The following CFAP47 variants were observed in gnomAD, a reference collection of about 807,000 sequenced individuals.
CFAP47 encodes the protein cilia- and flagella-associated protein 47.
In CFAP47, 29 loss-of-function variants were observed where a neutral mutation model predicts 148.1. The ratio of observed to expected loss-of-function variants is 0.20; its 90% CI spans 0.15 to 0.27. The LOEUF is 0.27. Among genes scored for constraint, CFAP47 ranks in the 10% least tolerant of loss-of-function variants. The pLI is 1.00. For missense variants in CFAP47, 1,872 were observed against 1,697.5 expected (o/e 1.10, Z -1.81); for synonymous variants, 664 against 577.3 (o/e 1.15, Z -2.15).
At chrX:36,166,626 A>G (rs765525107) in intron 39 of CFAP47, among the ~76,000 whole-genome samples, 2 of 111,187 alleles carry the variant, frequency 1.8e-5, no homozygotes, top group Non-Finnish European at 3.8e-5. Context: ...GGCAGTTTCT[A>G]CTGTCTGTTA....
chrX:36,236,549 G>T, intron 47 of CFAP47, 137 bp from the exon 48 acceptor site: 1 of 405,422 alleles, frequency 2.5e-6, no homozygotes, highest in Non-Finnish European at 4.3e-6. Context: ...AGTTATTTGT[G>T]TATTGAAAAA....
At chrX:36,220,239 C>A (rs1401365878) in intron 45 of CFAP47, among the ~76,000 whole-genome samples, 1 of 110,770 alleles carries the variant, frequency 9.0e-6, no homozygotes, top group Non-Finnish European at 1.9e-5. Flanking sequence ...GTATATGAAA[C>A]GTAAATGAAT....
At chrX:36,262,129 A>G (rs1294088270) in intron 49 of CFAP47, among the ~76,000 whole-genome samples, 2 of 112,460 alleles carry the variant, frequency 1.8e-5, no homozygotes, top group Admixed American at 1.9e-4. Context: ...TGTGGGGTAC[A>G]TGAGATGTTT....
In CFAP47 at chrX:36,317,813, A is replaced by G. The variant is rs782798839; in HGVS notation, c.8345-1396A>G. Among the ~76,000 whole-genome samples, 207 of 111,562 alleles carry G rather than the reference A, an allele frequency of 1.9e-3. 1 individual carries two copies. Among genetic ancestry groups the G allele is most frequent in the South Asian group, 0.011 (31 of 2,715 alleles). On this transcript the variant is annotated intron_variant, in intron 56 of 63. Transcript: ENST00000378653. The stretch of plus-strand genomic sequence containing the variant: ...TGTTAATATTATTGTACTAATAAAA[A>G]TATATTATTGTACAAATAAAAAGTA...
At chrX:36,358,284 T>A in intron 60 of CFAP47, among the ~76,000 whole-genome samples, 1 of 112,376 alleles carries the variant, frequency 8.9e-6, no homozygotes, top group Non-Finnish European at 1.9e-5. Context: ...TGAAGTACTT[T>A]CTGCCCTTGG....
chrX:36,351,193 T>C (rs1309461125), intron 59 of CFAP47, among the ~76,000 whole-genome samples: 1 of 111,775 alleles, frequency 8.9e-6, no homozygotes, highest in African/African-American at 3.2e-5. Context: ...TGAACTGGAG[T>C]AAAAATCCAC....
intron 15 of CFAP47, among the ~76,000 whole-genome samples, chrX:35,987,439 T>C (rs1936731472): frequency 9.0e-6 from 1 of 110,871 alleles, no homozygotes; most frequent in African/African-American, 3.3e-5. Flanking sequence ...CAAGCCTCAG[T>C]AATGGCAGAC....
intron 22 of CFAP47, among the ~76,000 whole-genome samples, chrX:36,015,454 A>G (rs1421289330): frequency 9.0e-6 from 1 of 111,300 alleles, no homozygotes; most frequent in South Asian, 3.7e-4. Flanking sequence ...GCTTTCAATT[A>G]TATATGTATA....
intron 51 of CFAP47, among the ~76,000 whole-genome samples, chrX:36,290,781 C>T (rs1333175476): frequency 1.8e-5 from 2 of 112,319 alleles, no homozygotes; most frequent in African/African-American, 6.5e-5. Flanking sequence ...AGTGAAAAGT[C>T]ACTAAAGTAG....
chrX:36,108,631 CTTCATAAA>C (rs2146800540), intron 33 of CFAP47, among the ~76,000 whole-genome samples: 1 of 111,501 alleles, frequency 9.0e-6, no homozygotes, highest in South Asian at 3.7e-4. Flanking sequence ...ATACTTAGTT[CTTCATAAA>C]ACACAAATTT....
At chrX:36,066,700 G>A (rs951674182) in intron 27 of CFAP47, among the ~76,000 whole-genome samples, 1 of 111,801 alleles carries the variant, frequency 8.9e-6, no homozygotes, top group African/African-American at 3.3e-5. Context: ...CCTCTTAGCT[G>A]CTTTGAGTGA....
chrX:36,385,234 T>C lies in CFAP47; in HGVS notation c.*228T>C, dbSNP rs1482620320. The C allele has an allele frequency of 9.4e-6, 3 of 318,108 alleles. No individual in the cohort carries two copies. Among genetic ancestry groups the C allele is most frequent in the African/African-American group, 8.1e-5 (3 of 37,106 alleles). 26.2% of individuals were successfully genotyped at this position (318,108 alleles called of 1,213,427 possible). On this transcript the variant is annotated 3_prime_UTR_variant, in exon 64 of 64. Transcript: ENST00000378653. ...GGTTCACTTTTAAAGTGCAGGTGTA[T>C]ATTTGTGGTAAAACGAAATATAATT...
chrX:36,103,794 C>T (rs944157794), intron 32 of CFAP47, among the ~76,000 whole-genome samples: 1 of 111,430 alleles, frequency 9.0e-6, no homozygotes, highest in African/African-American at 3.3e-5. Context: ...TAGCAGATCA[C>T]AAGCTGTTCA....
At chrX:36,034,062 A>G (rs927633554) in intron 23 of CFAP47, among the ~76,000 whole-genome samples, 1 of 111,514 alleles carries the variant, frequency 9.0e-6, no homozygotes, top group Non-Finnish European at 1.9e-5. Flanking sequence ...ATGGTTTTTC[A>G]CTAATGTCCA....
chrX:36,278,293 A>G (rs1556002990), intron 49 of CFAP47, among the ~76,000 whole-genome samples: 1 of 112,066 alleles, frequency 8.9e-6, no homozygotes, highest in African/African-American at 3.2e-5. Flanking sequence ...AAGCCTCAGC[A>G]ATGGCAGACT....
rs1406889534 is a variant in CFAP47 at position 35,924,149 on chromosome X, GCGTACATATA to G, written c.250-1867_250-1858del. On this transcript the variant is annotated intron_variant, in intron 1 of 63. Coordinates refer to ENST00000378653, the MANE Select transcript of CFAP47 (RefSeq NM_001304548.2). Reference sequence around the variant, plus strand: ...CATATATGTATATGTGTACATGTATGCGTACATATATGTATATATGTACATGTATGCGTAC... The same window carrying G: ...CATATATGTATATGTGTACATGTATGTGTATATATGTACATGTATGCGTAC... Among the ~76,000 whole-genome samples the G allele has an allele frequency of 6.0e-4, 58 of 97,038 alleles. 5 individuals carry two copies. The highest frequency in any genetic ancestry group is 1.9e-3 in the African/African-American group (44 of 22,978). 84.3% of individuals were successfully genotyped at this position (97,038 alleles called of 115,157 possible). A position where few individuals can be genotyped will look rare whatever the true frequency, so the allele number is the denominator to read the frequency against.
intron 52 of CFAP47, among the ~76,000 whole-genome samples, chrX:36,299,941 A>C (rs1206493650): frequency 8.9e-5 from 10 of 112,356 alleles, no homozygotes; most frequent in African/African-American, 3.2e-4. Context: ...GAAAATAAGA[A>C]TATAACATGA....
At chrX:36,379,748 A>G (rs1379231718) in intron 63 of CFAP47, 9 of 318,149 alleles carry the variant, frequency 2.8e-5, no homozygotes, top group Non-Finnish European at 3.9e-5. Context: ...GAAAGTTAAA[A>G]AAAATACTTT....
chrX:36,366,752 T>A (rs782692417), intron 61 of CFAP47, among the ~76,000 whole-genome samples: 2 of 111,471 alleles, frequency 1.8e-5, no homozygotes, highest in South Asian at 7.4e-4. Context: ...AAATAATTAC[T>A]TCAAAGGGAG....
Sources: allele counts gnomAD v4.1 joint callset (sites outside exome capture counted in the v4.1 genomes callset), GRCh38; gene constraint gnomAD v4.1.1; transcripts MANE v1.5; gene names NCBI Gene and HGNC (gene_info 2026-07-23, HGNC 2026-07-21).